Variants in ASCC1 observed in about 807,000 individuals in gnomAD.
ASCC1 encodes activating signal cointegrator 1 complex subunit 1, also known as ASC-1 complex subunit P50.
In ASCC1, 35 loss-of-function variants were observed where a neutral mutation model predicts 46.6. That is an observed-to-expected ratio of 0.75 (90% CI 0.57 to 0.99). The LOEUF (loss-of-function observed/expected upper bound fraction) is 0.99, where lower values mean the gene tolerates loss of function less well. Among genes scored for constraint, ASCC1 ranks in the 50% least tolerant of loss-of-function variants. The probability of loss-of-function intolerance (pLI) is 0.00; values close to 1 mark genes in which losing one functional copy is unlikely to be tolerated. For synonymous variants in ASCC1, 143 were observed against 146.6 expected (o/e 0.98, Z 0.18); for missense variants, 376 against 428.7 (o/e 0.88, Z 1.09).
At chr10:72,149,567 C>A (rs1164381425) in intron 7 of ASCC1, among the ~76,000 whole-genome samples, 1 of 151,160 alleles carries the variant, frequency 6.6e-6, no homozygotes, top group Non-Finnish European at 1.5e-5. Context: ...AACAAAAACT[C>A]TTTGAGGTTC....
At chr10:72,161,706 A>G in intron 5 of ASCC1, 32 bp from the exon 6 acceptor site, 1 of 1,613,822 alleles carries the variant, frequency 6.2e-7, no homozygotes. Flanking sequence ...CAAGAAACTC[A>G]GCCCATACAA....
At chr10:72,098,460 G>C (rs779279004) in intron 9 of ASCC1, among the ~76,000 whole-genome samples, 10 of 152,182 alleles carry the variant, frequency 6.6e-5, no homozygotes, top group Admixed American at 4.6e-4. Flanking sequence ...CCTAAACTCA[G>C]GCAATCCTCC....
chr10:72,107,215 G>A (rs948690033), intron 9 of ASCC1, among the ~76,000 whole-genome samples: 2 of 151,368 alleles, frequency 1.3e-5, no homozygotes, highest in African/African-American at 2.4e-5. Context: ...AAGGTTCTTC[G>A]TATGTCATGT....
intron 3 of ASCC1, among the ~76,000 whole-genome samples, chr10:72,210,074 G>A (rs1025205066): frequency 3.3e-5 from 5 of 151,860 alleles, no homozygotes; most frequent in Non-Finnish European, 5.9e-5. Context: ...CTTCTGCCAA[G>A]AGTAAAAGGT....
intron 3 of ASCC1, among the ~76,000 whole-genome samples, chr10:72,206,481 A>G (rs1857235970): frequency 6.6e-6 from 1 of 152,224 alleles, no homozygotes; most frequent in Non-Finnish European, 1.5e-5. Context: ...CGTAAGGATT[A>G]AATGTGATCA....
At position 72,111,486 on chromosome 10, in the gene ASCC1, CA is replaced by C. The variant is rs956774311; in HGVS notation, c.958-14037del. 3.0e-3 allele frequency among the ~76,000 whole-genome samples: 436 copies of C among 145,958 alleles called. 1 individual carries two copies. Among genetic ancestry groups the C allele is most frequent in the African/African-American group, 0.01 (408 of 39,932 alleles). On this transcript the variant is annotated intron_variant, in intron 9 of 9. Transcript: ENST00000672957. ...TGGGTGACAGAGCAAGACCCTATCT[CA>C]AAAAAAAAAATTCAAAGTTTTAACC...
chr10:72,148,661 C>A (rs981575526), intron 7 of ASCC1, among the ~76,000 whole-genome samples: 1 of 152,134 alleles, frequency 6.6e-6, no homozygotes, highest in Non-Finnish European at 1.5e-5. Context: ...ATTTTAAATA[C>A]TGCAAAATAA....
intron 5 of ASCC1, among the ~76,000 whole-genome samples, chr10:72,174,582 T>A (rs1224881359): frequency 1.3e-5 from 2 of 152,204 alleles, no homozygotes; most frequent in Non-Finnish European, 2.9e-5. Context: ...GATCCAAATG[T>A]GTAGCACCCA....
chr10:72,103,145 T>G (rs924285972), intron 9 of ASCC1, among the ~76,000 whole-genome samples: 1 of 151,844 alleles, frequency 6.6e-6, no homozygotes, highest in African/African-American at 2.4e-5. Flanking sequence ...TTTTCCTTTT[T>G]TTTTTGAGAC....
chr10:72,117,035 C>T (rs949101187), intron 9 of ASCC1, among the ~76,000 whole-genome samples: 15 of 151,962 alleles, frequency 9.9e-5, no homozygotes, highest in African/African-American at 3.4e-4. Flanking sequence ...CAGGTTGAAG[C>T]GATTCTCCTG....
chr10:72,191,530 C>G (rs1024861643), intron 5 of ASCC1, among the ~76,000 whole-genome samples: 4 of 151,456 alleles, frequency 2.6e-5, no homozygotes, highest in Non-Finnish European at 5.9e-5. Context: ...AAAAAATGAA[C>G]CATGACCTAA....
intron 7 of ASCC1, among the ~76,000 whole-genome samples, chr10:72,152,629 G>T (rs1848497653): frequency 6.6e-6 from 1 of 152,098 alleles, no homozygotes; most frequent in African/African-American, 2.4e-5. Context: ...CCAGGACGCT[G>T]AGATCAGCCT....
intron 9 of ASCC1, among the ~76,000 whole-genome samples, chr10:72,101,713 T>C (rs565686335): frequency 6.6e-6 from 1 of 152,078 alleles, no homozygotes; most frequent in Non-Finnish European, 1.5e-5. Flanking sequence ...ATGAAAACCA[T>C]GTTTTAGGGA....
At chr10:72,211,985 G>C (rs1454872824) in intron 2 of ASCC1, among the ~76,000 whole-genome samples, 1 of 151,852 alleles carries the variant, frequency 6.6e-6, no homozygotes, top group Non-Finnish European at 1.5e-5. Context: ...GGAGTTTGAG[G>C]CCACCCTGGC....
intron 5 of ASCC1, among the ~76,000 whole-genome samples, chr10:72,181,419 T>C (rs1852600953): frequency 6.6e-6 from 1 of 152,078 alleles, no homozygotes; most frequent in Non-Finnish European, 1.5e-5. Flanking sequence ...TCTGATGAAC[T>C]AAGATAAAAA....
intron 9 of ASCC1, among the ~76,000 whole-genome samples, chr10:72,097,871 G>A (rs918134671): frequency 2.6e-5 from 4 of 152,164 alleles, no homozygotes; most frequent in African/African-American, 7.2e-5. Context: ...TAAATTTGAC[G>A]TAACATATAT....
chr10:72,175,594 G>A (rs1851765809), intron 5 of ASCC1, among the ~76,000 whole-genome samples: 1 of 152,200 alleles, frequency 6.6e-6, no homozygotes, highest in East Asian at 1.9e-4. Flanking sequence ...AAGTGGAGAG[G>A]TTCTTAAAAC....
At chr10:72,108,490 C>T (rs1842601826) in intron 9 of ASCC1, among the ~76,000 whole-genome samples, 1 of 152,108 alleles carries the variant, frequency 6.6e-6, no homozygotes, top group African/African-American at 2.4e-5. Flanking sequence ...TGTTATAATC[C>T]TACTAAATTT....
chr10:72,107,039 C>A (rs555998530), intron 9 of ASCC1, among the ~76,000 whole-genome samples: 1 of 152,206 alleles, frequency 6.6e-6, no homozygotes, highest in Admixed American at 6.5e-5. Context: ...CATCACAGCC[C>A]TTGGAAGATC....
Sources: gnomAD v4.1 joint callset for allele counts (sites outside exome capture counted in the v4.1 genomes callset) on GRCh38, gnomAD v4.1.1 for gene constraint, MANE v1.5 for transcripts, NCBI Gene and HGNC (gene_info 2026-07-23, HGNC 2026-07-21) for gene names.